MED13: variants seen among roughly 807,000 people sequenced by gnomAD.
The protein encoded by MED13 is mediator of RNA polymerase II transcription subunit 13.
In MED13, 23 loss-of-function variants were observed where a neutral mutation model predicts 225.2. The observed-to-expected ratio is 0.10, with a 90% CI of 0.07 to 0.14. The LOEUF is 0.14. Among genes scored for constraint, MED13 ranks in the 10% least tolerant of loss-of-function variants. The pLI, the probability that MED13 is intolerant of heterozygous loss-of-function variation, is 1.00. For missense variants in MED13, 2,197 were observed against 2,594.5 expected (o/e 0.85, Z 3.33); for synonymous variants, 942 against 889.2 (o/e 1.06, Z -1.06).
In MED13 at chr17:61,960,178, T is replaced by C. The variant is rs552494681; in HGVS notation, c.5480+689A>G. ...ATAACTCAAAATGAGGCTCACCTGT[T>C]GTGACCTATTAGTTATATCCTTCGT... On this transcript the variant is annotated intron_variant, in intron 23 of 29. Transcript: ENST00000397786. 5.3e-5 allele frequency among the ~76,000 whole-genome samples: 8 copies of C among 152,338 alleles called. No individual in the cohort carries two copies. In the South Asian group the frequency reaches 1.7e-3, roughly 32 times the overall value.
chr17:61,987,912 T>A (rs1426606452), intron 11 of MED13, among the ~76,000 whole-genome samples: 1 of 151,898 alleles, frequency 6.6e-6, no homozygotes, highest in Non-Finnish European at 1.5e-5. Flanking sequence ...CCAGTTAATT[T>A]TTTTTTTTTT....
chr17:61,994,721 T>A (rs8082599), intron 10 of MED13, among the ~76,000 whole-genome samples: 3 of 152,228 alleles, frequency 2.0e-5, no homozygotes, highest in Non-Finnish European at 2.9e-5. Flanking sequence ...TTTCTTTTTT[T>A]CTTTTTGAGA....
intron 9 of MED13, among the ~76,000 whole-genome samples, chr17:62,009,147 G>C (rs11079460): frequency 0.16 from 23,753 of 152,064 alleles, 1,994 homozygotes; most frequent in Middle Eastern, 0.32. Flanking sequence ...TGAGCATAAT[G>C]GTATTTTACT....
chr17:61,978,254 T>A (rs566619726), intron 16 of MED13, among the ~76,000 whole-genome samples: 5 of 152,076 alleles, frequency 3.3e-5, no homozygotes, highest in East Asian at 1.9e-4. Context: ...CTTTTTATTT[T>A]TTTTATTTTT....
intron 28 of MED13, 143 bp downstream of exon 28, chr17:61,950,682 G>T (rs560017254): frequency 3.9e-6 from 3 of 770,762 alleles, no homozygotes; most frequent in Non-Finnish European, 5.8e-6. Context: ...CCGTGCCTTC[G>T]TGATCTTGTT....
intron 9 of MED13, among the ~76,000 whole-genome samples, chr17:62,001,163 A>G (rs1441176857): frequency 2.0e-5 from 3 of 152,318 alleles, no homozygotes; most frequent in South Asian, 4.1e-4. Context: ...AAGTGGGTAA[A>G]AACAATGGTA....
chr17:61,979,667 C>A (rs1456643118), intron 16 of MED13, among the ~76,000 whole-genome samples: 6 of 152,122 alleles, frequency 3.9e-5, no homozygotes, highest in Non-Finnish European at 8.8e-5. Context: ...TAATAATAAA[C>A]CTCTCTTTTA....
intron 26 of MED13, 26 bp from the exon 27 acceptor site, chr17:61,953,139 T>A: frequency 6.3e-7 from 1 of 1,598,550 alleles, no homozygotes; most frequent in Non-Finnish European, 8.5e-7. Flanking sequence ...AAAAGAAATT[T>A]AAAACTCCAT....
At chr17:62,021,134 C>T (rs1197607129) in intron 8 of MED13, among the ~76,000 whole-genome samples, 2 of 141,364 alleles carry the variant, frequency 1.4e-5, no homozygotes, top group African/African-American at 5.6e-5. Context: ...ATCTTTTCCC[C>T]GCCTTTCCCC....
At chr17:62,016,669 A>T (rs2080584810) in intron 8 of MED13, among the ~76,000 whole-genome samples, 1 of 152,208 alleles carries the variant, frequency 6.6e-6, no homozygotes, top group African/African-American at 2.4e-5. Context: ...ATGTTTCATC[A>T]CAATTACTGT....
At chr17:62,063,509 T>C (rs542152852) in intron 1 of MED13, among the ~76,000 whole-genome samples, 54 of 152,228 alleles carry the variant, frequency 3.5e-4, no homozygotes, top group African/African-American at 1.2e-3. Flanking sequence ...ACCACCACCA[T>C]GTCACTGAAT....
intron 3 of MED13, among the ~76,000 whole-genome samples, chr17:62,043,428 A>C (rs1394242197): frequency 6.6e-6 from 1 of 152,178 alleles, no homozygotes; most frequent in Non-Finnish European, 1.5e-5. Flanking sequence ...AGGCACATCC[A>C]GTCTGCTGAA....
intron 8 of MED13, among the ~76,000 whole-genome samples, chr17:62,016,005 T>C (rs1204169164): frequency 8.9e-6 from 1 of 112,146 alleles, no homozygotes; most frequent in African/African-American, 3.4e-5. Flanking sequence ...GTTTTTGCCA[T>C]GTTGCCCAGG....
chr17:61,985,137 G>T, intron 12 of MED13, 47 bp from the exon 13 acceptor site: 2 of 1,462,868 alleles, frequency 1.4e-6, no homozygotes, highest in Non-Finnish European at 1.9e-6. Flanking sequence ...CATCCAATGT[G>T]ATCTCAAAAT....
rs774939393 is a variant in MED13 at position 61,968,047 on chromosome 17, A to C, written c.4179T>G (p.Thr1393=). ...TTTAAACACCTACCTCATATATTGC[A>C]GTAAGATCTCTAAAAAAGCTTTTTG... ...NGAKSFFRDL[T]AIYESCRLGQ... is the part of the protein sequence containing the mutation. The change falls in exon 18 of 30, where the codon ACT becomes ACG. Residue 1393 remains threonine (T), a synonymous_variant. Transcript: ENST00000397786. The C allele has an allele frequency of 3.7e-6, 6 of 1,609,562 alleles. No individual in the cohort carries two copies. In the South Asian group the frequency reaches 6.6e-5, roughly 18 times the overall value.
At chr17:62,055,722 C>T (rs191121808) in intron 2 of MED13, among the ~76,000 whole-genome samples, 4 of 151,986 alleles carry the variant, frequency 2.6e-5, no homozygotes, top group African/African-American at 9.7e-5. Context: ...ATCCGGGAGG[C>T]TGAGGCAGGA....
At chr17:62,001,833 C>T (rs546283052) in intron 9 of MED13, among the ~76,000 whole-genome samples, 269 of 152,222 alleles carry the variant, frequency 1.8e-3, no homozygotes, top group African/African-American at 6.0e-3. Context: ...CCACAGCATC[C>T]TGCGTAAGAG....
chr17:62,034,716 C>A (rs1015190993), intron 4 of MED13, among the ~76,000 whole-genome samples: 9 of 152,262 alleles, frequency 5.9e-5, no homozygotes, highest in Non-Finnish European at 1.3e-4. Context: ...TAAGAACACA[C>A]TGCCAAGCCT....
chr17:61,989,069 T>C (rs2080272866), intron 11 of MED13, among the ~76,000 whole-genome samples: 1 of 151,438 alleles, frequency 6.6e-6, no homozygotes, highest in South Asian at 2.1e-4. Context: ...TGGAGTGCAG[T>C]GGCGTGATCT....
Sources: allele counts gnomAD v4.1 joint callset (sites outside exome capture counted in the v4.1 genomes callset), GRCh38; gene constraint gnomAD v4.1.1; transcripts MANE v1.5; gene names NCBI Gene and HGNC (gene_info 2026-07-23, HGNC 2026-07-21).